The following ANTXR2 variants were observed in gnomAD, a reference collection of about 807,000 sequenced individuals.
The protein encoded by ANTXR2 is anthrax toxin receptor 2.
Under a neutral mutation model 73.7 loss-of-function variants are expected in ANTXR2, and 44 were observed. That is an observed-to-expected ratio of 0.60 (90% CI 0.47 to 0.77). The LOEUF is 0.77. Ranked by LOEUF, ANTXR2 falls within the 30% of genes least tolerant of loss-of-function variation. ANTXR2 has a pLI of 0.00. For synonymous variants in ANTXR2, 217 were observed against 205.9 expected (o/e 1.05, Z -0.46); for missense variants, 604 against 592.5 (o/e 1.02, Z -0.20).
chr4:80,058,903 T>G (rs1201475967), intron 3 of ANTXR2, among the ~76,000 whole-genome samples: 1 of 152,088 alleles, frequency 6.6e-6, no homozygotes, highest in Admixed American at 6.6e-5. Flanking sequence ...GCTGCTGTCA[T>G]GACACGCATC....
chr4:80,042,471 A>C (rs1370439814), intron 7 of ANTXR2, among the ~76,000 whole-genome samples: 1 of 151,890 alleles, frequency 6.6e-6, no homozygotes, highest in Non-Finnish European at 1.5e-5. Context: ...TACATTTTTC[A>C]TATGGAATGT....
chr4:79,962,946 T>C (rs933225692), intron 16 of ANTXR2, among the ~76,000 whole-genome samples: 2 of 152,156 alleles, frequency 1.3e-5, no homozygotes, highest in Admixed American at 6.5e-5. Flanking sequence ...CTGAAGACAC[T>C]TGAAGCATCA....
chr4:79,935,339 T>C (rs1165763499), intron 16 of ANTXR2, among the ~76,000 whole-genome samples: 1 of 127,644 alleles, frequency 7.8e-6, no homozygotes, highest in Non-Finnish European at 1.6e-5. Flanking sequence ...ATTTTCCACC[T>C]TTATGCAGGT....
chr4:79,983,442 G>A (rs926672957), intron 14 of ANTXR2, among the ~76,000 whole-genome samples: 1 of 152,030 alleles, frequency 6.6e-6, no homozygotes, highest in African/African-American at 2.4e-5. Context: ...TATTAAATGT[G>A]CTTCCTCTAT....
At chr4:80,067,808 G>C (rs1375926463) in intron 3 of ANTXR2, among the ~76,000 whole-genome samples, 1 of 152,114 alleles carries the variant, frequency 6.6e-6, no homozygotes, top group Non-Finnish European at 1.5e-5. Flanking sequence ...GAGAACACAT[G>C]AACACAGGGA....
chr4:80,033,360 T>C (rs947132056), intron 9 of ANTXR2, 112 bp downstream of exon 9: 3 of 713,724 alleles, frequency 4.2e-6, no homozygotes, highest in Non-Finnish European at 6.9e-6. Flanking sequence ...CATTTCTTTC[T>C]TCTTAGATTA....
rs1204974157 is a variant in ANTXR2 at position 79,904,436 on chromosome 4, G to A, written c.*2993C>T. On this transcript the variant is annotated 3_prime_UTR_variant, in exon 17 of 17. Transcript: ENST00000403729. ...ATTTTACTCTGCATCTCATTGGGAA[G>A]GAAATATAAATTTTTAAAATAGAAT... 1.3e-5 allele frequency: 2 copies of A among 151,990 alleles called. No homozygotes were observed. Among genetic ancestry groups the A allele is most frequent in the Non-Finnish European group, 2.9e-5 (2 of 67,960 alleles). 9.4% of individuals were successfully genotyped at this position (151,990 alleles called of 1,614,324 possible). A position where few individuals can be genotyped will look rare whatever the true frequency, so the allele number is the denominator to read the frequency against.
intron 16 of ANTXR2, among the ~76,000 whole-genome samples, chr4:79,959,138 G>C (rs1173460833): frequency 2.0e-5 from 3 of 151,936 alleles, no homozygotes; most frequent in Admixed American, 2.0e-4. Flanking sequence ...AAAGGAAAAT[G>C]ATTGTGTTAT....
chr4:79,964,409 A>T (rs1420403562), intron 16 of ANTXR2, among the ~76,000 whole-genome samples: 1 of 152,042 alleles, frequency 6.6e-6, no homozygotes, highest in Non-Finnish European at 1.5e-5. Context: ...CCTGCTGCGG[A>T]CTCCGGCATG....
At chr4:79,976,549 G>A (rs1337038481) in intron 16 of ANTXR2, among the ~76,000 whole-genome samples, 1 of 152,188 alleles carries the variant, frequency 6.6e-6, no homozygotes, top group East Asian at 1.9e-4. Flanking sequence ...ATGTCTGCAT[G>A]ATCCACCCCT....
intron 7 of ANTXR2, among the ~76,000 whole-genome samples, chr4:80,041,115 T>G: frequency 6.6e-6 from 1 of 152,028 alleles, no homozygotes; most frequent in East Asian, 1.9e-4. Flanking sequence ...AAACAAATAT[T>G]TTTATCCATG....
chr4:79,906,288 A>G lies in ANTXR2; in HGVS notation c.*1141T>C, dbSNP rs1726905598. 1 of 152,656 alleles carries G rather than the reference A, an allele frequency of 6.6e-6. No homozygotes were observed. Among genetic ancestry groups the G allele is most frequent in the Non-Finnish European group, 1.5e-5 (1 of 68,050 alleles). 9.5% of individuals were successfully genotyped at this position (152,656 alleles called of 1,614,324 possible). ...TCCTCTACTGAATCATAACCAAGGT[A>G]GAGTGCCCCTCAAAATCCAAGTAAT... On this transcript the variant is annotated 3_prime_UTR_variant, in exon 17 of 17. Coordinates refer to ENST00000403729, the MANE Select transcript of ANTXR2 (RefSeq NM_058172.6).
At chr4:79,984,927 A>C in intron 12 of ANTXR2, 64 bp from the exon 13 acceptor site, 1 of 1,322,256 alleles carries the variant, frequency 7.6e-7, no homozygotes, top group Non-Finnish European at 1.0e-6. Flanking sequence ...AGGATGTGTA[A>C]AAATAATTTG....
In ANTXR2 at chr4:80,072,470, G is replaced by A; in HGVS notation, c.91C>T (p.Leu31=). Residue 31 remains leucine (L), a synonymous_variant, in exon 1 of 17, where the codon CTG becomes TTG. Coordinates refer to ENST00000403729, the MANE Select transcript of ANTXR2 (RefSeq NM_058172.6). ...LLVLSGPGGL[L]RAQEQPSCRR... is the part of the protein sequence containing the mutation. ...CAGGAGGGCTGCTCCTGGGCGCGCA[G>A]CAGCCCCCCGGGACCGCTGAGCACC... 2 of 1,610,656 alleles carry A rather than the reference G, an allele frequency of 1.2e-6. No homozygotes were observed. The highest frequency in any genetic ancestry group is 1.7e-6 in the Non-Finnish European group (2 of 1,178,624).
rs1169972719 is a variant in ANTXR2, at chr4:79,988,335, A to T, written c.1042-3472T>A. On this transcript the variant is annotated intron_variant, in intron 12 of 16. Coordinates refer to ENST00000403729, the MANE Select transcript of ANTXR2 (RefSeq NM_058172.6). ...CACTCAAGCAAACAGAAAACAAAAA[A>T]ATAAGAGGGGTTGCAATTCTTATTT... Among the ~76,000 whole-genome samples the T allele has an allele frequency of 2.7e-5, 4 of 148,944 alleles. No individual in the cohort carries two copies. The East Asian group carries it at 7.8e-4, about 29-fold the overall frequency.
At position 79,903,921 on chromosome 4, in the gene ANTXR2, T is replaced by C. The variant is rs1029835132; in HGVS notation, c.*3508A>G. 21 of 152,214 alleles carry C rather than the reference T, an allele frequency of 1.4e-4. No individual in the cohort carries two copies. Among genetic ancestry groups the C allele is most frequent in the African/African-American group, 4.3e-4 (18 of 41,478 alleles). The allele number at this position is 152,214 out of a possible 1,614,324, so 9.4% of individuals were successfully genotyped here. A position where few individuals can be genotyped will look rare whatever the true frequency, so the allele number is the denominator to read the frequency against. ...CTCTCAAAAACTTTCTAAAGTAATG[T>C]GATGCTAGAAAATGCTAGTAAAAGC... is the stretch of plus-strand genomic sequence containing the variant. On this transcript the variant is annotated 3_prime_UTR_variant, in exon 17 of 17. Transcript: ENST00000403729.
intron 16 of ANTXR2, among the ~76,000 whole-genome samples, chr4:79,916,644 T>G (rs1186602383): frequency 2.0e-5 from 3 of 152,018 alleles, no homozygotes; most frequent in Admixed American, 1.3e-4. Context: ...TTGAAAATGA[T>G]CCAAATGTCC....
intron 16 of ANTXR2, among the ~76,000 whole-genome samples, chr4:79,921,272 T>C (rs1388708315): frequency 2.0e-5 from 3 of 152,118 alleles, no homozygotes; most frequent in African/African-American, 7.2e-5. Context: ...TATATCAACA[T>C]TGAAAAACAT....
rs1734907050 is a variant in ANTXR2 at position 80,073,191 on chromosome 4, A to G, written c.-631T>C. 2 of 152,544 alleles carry G rather than the reference A, an allele frequency of 1.3e-5. No individual in the cohort carries two copies. The highest frequency in any genetic ancestry group is 1.9e-4 in the East Asian group (1 of 5,184). The allele number at this position is 152,544 out of a possible 1,614,324, so 9.4% of individuals were successfully genotyped here. On this transcript the variant is annotated 5_prime_UTR_variant, in exon 1 of 17. Coordinates refer to ENST00000403729, the MANE Select transcript of ANTXR2 (RefSeq NM_058172.6). ...TCCCGGCTGGAGAGAAGCCACGCCGAGGGCAGGAGCCCGCTCGGGCCGGGT... is the reference window on the plus strand; with the variant it reads ...TCCCGGCTGGAGAGAAGCCACGCCGGGGGCAGGAGCCCGCTCGGGCCGGGT...
Sources: allele counts gnomAD v4.1 joint callset (sites outside exome capture counted in the v4.1 genomes callset), GRCh38; gene constraint gnomAD v4.1.1; transcripts MANE v1.5; gene names NCBI Gene and HGNC (gene_info 2026-07-23, HGNC 2026-07-21).